The following CNDP1 variants were observed in gnomAD, a reference collection of about 807,000 sequenced individuals.
The protein encoded by CNDP1 is beta-Ala-His dipeptidase.
CNDP1 carries 44 observed loss-of-function variants against 58.1 expected under a neutral mutation model. The ratio of observed to expected loss-of-function variants is 0.76; its 90% CI spans 0.60 to 0.97. The LOEUF is 0.97. CNDP1 is among the 50% of genes least tolerant of loss of function. CNDP1 has a pLI of 0.00. For missense variants in CNDP1, 616 were observed against 655.1 expected, an observed-to-expected ratio of 0.94 and a Z score of 0.65; for synonymous variants, 254 against 252.6, an observed-to-expected ratio of 1.01 and a Z score of -0.05.
chr18:74,579,879 A>G (rs1186659666), intron 9 of CNDP1, among the ~76,000 whole-genome samples: 2 of 152,200 alleles, frequency 1.3e-5, no homozygotes, highest in Non-Finnish European at 2.9e-5. Flanking sequence ...AGGGTAGAGG[A>G]TAGAGGGGAA....
chr18:74,579,631 C>G (rs1186733674), intron 9 of CNDP1, among the ~76,000 whole-genome samples: 1 of 152,122 alleles, frequency 6.6e-6, no homozygotes, highest in African/African-American at 2.4e-5. Context: ...GGGGAGAGAA[C>G]GAGGCTGAAA....
chr18:74,563,573 A>C (rs1311660016), intron 5 of CNDP1, among the ~76,000 whole-genome samples: 1 of 152,228 alleles, frequency 6.6e-6, no homozygotes, highest in African/African-American at 2.4e-5. Context: ...TCTGTGAAGC[A>C]GGAATGATAG....
chr18:74,559,204 C>T (rs1053316422), intron 2 of CNDP1, 119 bp from the exon 3 acceptor site: 5 of 919,406 alleles, frequency 5.4e-6, no homozygotes, highest in Non-Finnish European at 8.8e-6. Context: ...CATAGGTCCT[C>T]AGGTCCTTGA....
intron 5 of CNDP1, among the ~76,000 whole-genome samples, chr18:74,565,134 T>C (rs1981295720): frequency 6.6e-6 from 1 of 152,196 alleles, no homozygotes; most frequent in Admixed American, 6.5e-5. Context: ...CTCATGAGAC[T>C]TATTCACTAT....
intron 1 of CNDP1, among the ~76,000 whole-genome samples, chr18:74,550,107 A>G (rs1980863510): frequency 6.6e-6 from 1 of 152,214 alleles, no homozygotes; most frequent in East Asian, 1.9e-4. Flanking sequence ...GAGTCCCCAC[A>G]TAGGGTCCCC....
intron 5 of CNDP1, among the ~76,000 whole-genome samples, chr18:74,564,203 C>T (rs371639077): frequency 1.4e-4 from 22 of 152,194 alleles, no homozygotes; most frequent in East Asian, 7.7e-4. Context: ...ACAGTGTGTG[C>T]GGTGTCGTTT....
Position 74,559,400 on chromosome 18 carries a change from G to C in CNDP1, c.231G>C (p.Met77Ile), listed in dbSNP as rs781502294. The change falls in exon 3 of 12, where the codon ATG becomes ATC. Residue 77 changes from methionine (M) to isoleucine (I), a missense_variant. By Grantham distance (10) the Met-to-Ile change is conservative. Transcript: ENST00000358821. ...VPRFRQELFR[M>I]MAVAADTLQR... ...GCTTCAGACAAGAGCTCTTCAGAAT[G>C]ATGGCCGTGGCTGCGGACACGCTGC... is the stretch of plus-strand genomic sequence containing the variant. 1.2e-6 allele frequency: 2 copies of C among 1,613,632 alleles called. No homozygotes were observed. Among genetic ancestry groups the C allele is most frequent in the African/African-American group, 2.7e-5 (2 of 74,932 alleles).
intron 7 of CNDP1, among the ~76,000 whole-genome samples, chr18:74,574,586 C>T (rs1568299517): frequency 6.6e-6 from 1 of 152,224 alleles, no homozygotes; most frequent in Non-Finnish European, 1.5e-5. Flanking sequence ...GCCTTCCCCG[C>T]ACTTCCCAAG....
At chr18:74,564,970 T>G (rs1481371216) in intron 5 of CNDP1, among the ~76,000 whole-genome samples, 1 of 152,182 alleles carries the variant, frequency 6.6e-6, no homozygotes. Flanking sequence ...TACCTGAGAC[T>G]GGGAAGAAAA....
chr18:74,536,715 CCA>C (rs1249888503), intron 1 of CNDP1, among the ~76,000 whole-genome samples: 1 of 152,170 alleles, frequency 6.6e-6, no homozygotes, highest in African/African-American at 2.4e-5. Context: ...TGAGGAATTG[CCA>C]CACTGCTTTC....
intron 4 of CNDP1, 37 bp from the exon 5 acceptor site, chr18:74,562,010 C>G: frequency 6.4e-7 from 1 of 1,555,622 alleles, no homozygotes. Context: ...GCAGAGGTGT[C>G]CACACTTCTC....
intron 9 of CNDP1, among the ~76,000 whole-genome samples, chr18:74,579,213 C>G (rs142853251): frequency 0.11 from 5,973 of 56,162 alleles, 227 homozygotes; most frequent in African/African-American, 0.2. Flanking sequence ...GCCTTCCCTT[C>G]CCTTCCCTTC....
At chr18:74,547,975 C>T (rs1185412944) in intron 1 of CNDP1, among the ~76,000 whole-genome samples, 1 of 152,148 alleles carries the variant, frequency 6.6e-6, no homozygotes, top group Non-Finnish European at 1.5e-5. Context: ...CCTCAGGGTC[C>T]CATAGCCAGT....
chr18:74,555,704 T>C (rs1599091500), intron 1 of CNDP1, among the ~76,000 whole-genome samples: 1 of 151,898 alleles, frequency 6.6e-6, no homozygotes, highest in African/African-American at 2.4e-5. Context: ...TGTGGTTGGG[T>C]CTCTCAGAGA....
At chr18:74,582,642 C>T (rs1384365281) in intron 10 of CNDP1, among the ~76,000 whole-genome samples, 1 of 152,108 alleles carries the variant, frequency 6.6e-6, no homozygotes, top group Non-Finnish European at 1.5e-5. Flanking sequence ...GGATATTTTA[C>T]AAAACTACCG....
Position 74,577,000 on chromosome 18 carries a change from C to T in CNDP1, c.973C>T (p.Arg325Trp), listed in dbSNP as rs751757375. The change falls in exon 8 of 12, where the codon CGG becomes TGG. Residue 325 changes from arginine (R) to tryptophan (W), a missense_variant. By Grantham distance (101) the Arg-to-Trp change is moderately radical (BLOSUM62 -3). Coordinates refer to ENST00000358821, the MANE Select transcript of CNDP1 (RefSeq NM_032649.6). ...LDLEEYRNSS[R>W]VEKFLFDTKE... ...CCTAGAAGAATACCGGAATAGCAGC[C>T]GGGTTGAGAAATTTCTGTTCGATAC... 5.6e-6 allele frequency: 9 copies of T among 1,612,748 alleles called. No individual in the cohort carries two copies. Among genetic ancestry groups the T allele is most frequent in the South Asian group, 2.2e-5 (2 of 90,574 alleles).
At chr18:74,583,989 G>C (rs1054589906) in intron 11 of CNDP1, 6 of 412,858 alleles carry the variant, frequency 1.5e-5, no homozygotes, top group African/African-American at 1.2e-4. Context: ...AAGAGCACCA[G>C]ACCCATTGGA....
At chr18:74,573,366 T>C (rs963029610) in intron 7 of CNDP1, among the ~76,000 whole-genome samples, 2 of 134,594 alleles carry the variant, frequency 1.5e-5, no homozygotes, top group Non-Finnish European at 3.2e-5. Flanking sequence ...TATCTATCCA[T>C]CTATCATCTT....
chr18:74,535,161 T>A (rs1486923446), intron 1 of CNDP1, among the ~76,000 whole-genome samples: 1 of 152,202 alleles, frequency 6.6e-6, no homozygotes, highest in African/African-American at 2.4e-5. Flanking sequence ...GAGGTTTCCA[T>A]GGTTCAGGTG....
Sources: gnomAD v4.1 joint callset for allele counts (sites outside exome capture counted in the v4.1 genomes callset) on GRCh38, gnomAD v4.1.1 for gene constraint, MANE v1.5 for transcripts, NCBI Gene and HGNC (gene_info 2026-07-23, HGNC 2026-07-21) for gene names.